Variants in FOCAD observed in about 807,000 individuals in gnomAD.
The protein encoded by FOCAD is focadhesin, also known as KIAA1797.
FOCAD carries 198 observed loss-of-function variants against 225.6 expected under a neutral mutation model. The ratio of observed to expected loss-of-function variants is 0.88; its 90% CI spans 0.78 to 0.99. The LOEUF is 0.99. Among genes scored for constraint, FOCAD ranks in the 50% least tolerant of loss-of-function variants. FOCAD has a pLI of 0.00. For missense variants in FOCAD, 2,713 were observed against 2,123.6 expected (o/e 1.28, Z -5.46); for synonymous variants, 897 against 755.0 (o/e 1.19, Z -3.08).
At chr9:20,905,163 C>T (rs962434418) in intron 21 of FOCAD, among the ~76,000 whole-genome samples, 9 of 151,916 alleles carry the variant, frequency 5.9e-5, no homozygotes, top group Non-Finnish European at 1.5e-5. Flanking sequence ...TCCCATAAAA[C>T]GTGGGGAGTT....
Position 20,671,716 on chromosome 9 carries a change from A to G in FOCAD, c.-78+12890A>G, listed in dbSNP as rs1822069073. 3.3e-5 allele frequency among the ~76,000 whole-genome samples: 5 copies of G among 152,176 alleles called. No individual in the cohort carries two copies. In the South Asian group the frequency reaches 1.0e-3, roughly 32 times the overall value. On this transcript the variant is annotated intron_variant, in intron 2 of 45. Transcript: ENST00000380249. ...CAAATGATTATGCTCCTGGCAGGCA[A>G]AAAAAGGGCAAAAAGTTTCCTGTAT... is the stretch of plus-strand genomic sequence containing the variant.
At chr9:20,939,054 G>A (rs1237343199) in intron 28 of FOCAD, among the ~76,000 whole-genome samples, 1 of 150,694 alleles carries the variant, frequency 6.6e-6, no homozygotes, top group African/African-American at 2.4e-5. Context: ...GGAGGCTGAG[G>A]CAGTAGTATG....
At chr9:20,715,247 T>G (rs1446117581) in intron 1 of FOCAD, 75 bp from the exon 2 acceptor site, 5 of 572,142 alleles carry the variant, frequency 8.7e-6, no homozygotes, top group Non-Finnish European at 1.4e-5. Context: ...TTCACATTAT[T>G]TGAGGAATAA....
intron 40 of FOCAD, among the ~76,000 whole-genome samples, chr9:20,987,019 C>T (rs560524219): frequency 6.6e-6 from 1 of 152,188 alleles, no homozygotes; most frequent in South Asian, 2.1e-4. Context: ...TAAGAGCGCT[C>T]CCCCATTGCT....
At chr9:20,963,841 A>G (rs985709856) in intron 35 of FOCAD, among the ~76,000 whole-genome samples, 1 of 152,182 alleles carries the variant, frequency 6.6e-6, no homozygotes, top group South Asian at 2.1e-4. Flanking sequence ...AACTCCTATC[A>G]CAGCATTTTT....
chr9:20,687,180 A>G (rs1009025103), intron 1 of FOCAD, among the ~76,000 whole-genome samples: 7 of 152,286 alleles, frequency 4.6e-5, no homozygotes, highest in Non-Finnish European at 8.8e-5. Flanking sequence ...ATGAAAGAAA[A>G]CATTTCTTTA....
intron 35 of FOCAD, among the ~76,000 whole-genome samples, chr9:20,965,407 T>G (rs945185373): frequency 1.3e-5 from 2 of 152,138 alleles, no homozygotes; most frequent in Non-Finnish European, 2.9e-5. Context: ...CAGAAAGATA[T>G]CAGGCGCCAA....
chr9:20,823,640 CTGTTTTAGAGAAA>C (rs1455452315), intron 15 of FOCAD, among the ~76,000 whole-genome samples: 6 of 152,054 alleles, frequency 3.9e-5, no homozygotes, highest in Non-Finnish European at 5.9e-5. Flanking sequence ...AGAGAATCTA[CTGTTTTAGAGAAA>C]TGTTTTAGAG....
chr9:20,720,216 A>T (rs1271968613), intron 3 of FOCAD, among the ~76,000 whole-genome samples, 164 bp from the exon 4 acceptor site: 1 of 152,146 alleles, frequency 6.6e-6, no homozygotes, highest in Non-Finnish European at 1.5e-5. Context: ...TCTCTTGGAA[A>T]ATTGACTTCA....
At chr9:20,719,274 G>T in intron 3 of FOCAD, among the ~76,000 whole-genome samples, 1 of 152,024 alleles carries the variant, frequency 6.6e-6, no homozygotes, top group Non-Finnish European at 1.5e-5. Context: ...GTAGAGACTG[G>T]GTTTCACCAT....
At chr9:20,968,545 G>C (rs1244645633) in intron 35 of FOCAD, among the ~76,000 whole-genome samples, 1 of 142,942 alleles carries the variant, frequency 7.0e-6, no homozygotes, top group African/African-American at 2.5e-5. Context: ...GGGTTCAAGT[G>C]ATTCTCCTGC....
chr9:20,850,424 G>A (rs777855022), intron 15 of FOCAD, among the ~76,000 whole-genome samples: 7 of 151,744 alleles, frequency 4.6e-5, no homozygotes, highest in Non-Finnish European at 1.0e-4. Flanking sequence ...CATTTTTTAT[G>A]TGGATTTTAT....
chr9:20,853,053 AT>A (rs1827825460), intron 15 of FOCAD, among the ~76,000 whole-genome samples: 2 of 151,872 alleles, frequency 1.3e-5, no homozygotes, highest in South Asian at 2.1e-4. Context: ...TTGTCAAGGA[AT>A]TTTTTGACAT....
At chr9:20,898,977 T>G (rs989747950) in intron 21 of FOCAD, among the ~76,000 whole-genome samples, 3 of 151,828 alleles carry the variant, frequency 2.0e-5, no homozygotes, top group Admixed American at 6.6e-5. Context: ...TTTAATTCCT[T>G]AGGTGGGATA....
chr9:20,860,580 G>C (rs530164781), intron 15 of FOCAD, among the ~76,000 whole-genome samples: 1 of 152,122 alleles, frequency 6.6e-6, no homozygotes, highest in Non-Finnish European at 1.5e-5. Context: ...GCCCAGGCTC[G>C]AGTGCAGAGG....
intron 28 of FOCAD, among the ~76,000 whole-genome samples, chr9:20,938,783 A>C (rs868055186): frequency 1.0e-3 from 152 of 152,274 alleles, no homozygotes; most frequent in African/African-American, 3.5e-3. Flanking sequence ...ACCAATTTTT[A>C]AGAATTCATT....
At chr9:20,907,275 G>A (rs372205053) in intron 22 of FOCAD, 33 bp downstream of exon 22, 20 of 1,542,940 alleles carry the variant, frequency 1.3e-5, no homozygotes, top group East Asian at 6.7e-5. Context: ...TTGCTTTGGC[G>A]AAATGTCTCC....
intron 15 of FOCAD, among the ~76,000 whole-genome samples, chr9:20,858,634 T>G (rs1828452871): frequency 1.3e-5 from 2 of 152,124 alleles, no homozygotes. Context: ...GTTCTACTAA[T>G]TTTGGGTTTG....
intron 2 of FOCAD, among the ~76,000 whole-genome samples, chr9:20,661,141 T>A (rs891274917): frequency 6.6e-6 from 1 of 152,176 alleles, no homozygotes; most frequent in Non-Finnish European, 1.5e-5. Flanking sequence ...AATGATGGCA[T>A]TCACTCTGAT....
Sources: allele counts gnomAD v4.1 joint callset (sites outside exome capture counted in the v4.1 genomes callset), GRCh38; gene constraint gnomAD v4.1.1; transcripts MANE v1.5; gene names NCBI Gene and HGNC (gene_info 2026-07-23, HGNC 2026-07-21).